Variants in FOXN3 observed in about 807,000 individuals in gnomAD.
FOXN3 encodes the protein forkhead box protein N3.
A neutral mutation model predicts 38.4 loss-of-function variants in FOXN3; 7 were observed. That is an observed-to-expected ratio of 0.18 (90% CI 0.10 to 0.34). FOXN3 has a LOEUF of 0.34. FOXN3 is among the 10% of genes least tolerant of loss of function. FOXN3 has a pLI of 1.00. For missense variants in FOXN3, 456 were observed against 613.4 expected (o/e 0.74, Z 2.71); for synonymous variants, 230 against 242.2 (o/e 0.95, Z 0.47).
intron 3 of FOXN3, among the ~76,000 whole-genome samples, chr14:89,340,619 A>C (rs1888587836): frequency 6.6e-6 from 1 of 152,206 alleles, no homozygotes; most frequent in Non-Finnish European, 1.5e-5. Flanking sequence ...GTGCTTCCAC[A>C]AAACAAGGAC....
At chr14:89,306,663 G>C (rs1020982129) in intron 3 of FOXN3, among the ~76,000 whole-genome samples, 1 of 152,086 alleles carries the variant, frequency 6.6e-6, no homozygotes, top group Non-Finnish European at 1.5e-5. Flanking sequence ...CACCGCGCCC[G>C]GCCCATTTTG....
At chr14:89,262,023 G>A (rs748808482) in intron 4 of FOXN3, among the ~76,000 whole-genome samples, 3 of 152,076 alleles carry the variant, frequency 2.0e-5, no homozygotes, top group Non-Finnish European at 2.9e-5. Flanking sequence ...AGAATTACTC[G>A]AATCCAGGAG....
At chr14:89,476,781 C>G (rs527252901) in intron 1 of FOXN3, among the ~76,000 whole-genome samples, 4 of 152,216 alleles carry the variant, frequency 2.6e-5, no homozygotes, top group Admixed American at 2.0e-4. Flanking sequence ...GCTATCCCCC[C>G]ACTCCTTAAA....
chr14:89,191,948 G>GTATATATATATA lies in FOXN3; in HGVS notation c.746-11154_746-11143dup, dbSNP rs566312671. On this transcript the variant is annotated intron_variant, in intron 4 of 5. Coordinates refer to ENST00000557258, the MANE Select transcript of FOXN3 (RefSeq NM_005197.4). ...CAGTCACCATTTCCCACTGATATTA[G>GTATATATATATA]TATATATATATATACACATATATAT... 2.5e-4 allele frequency among the ~76,000 whole-genome samples: 29 copies of GTATATATATATA among 117,950 alleles called. 1 individual carries two copies. The highest frequency in any genetic ancestry group is 1.3e-3 in the African/African-American group (27 of 21,482). The allele number at this position is 117,950 out of a possible 152,430, so 77.4% of individuals were successfully genotyped here.
chr14:89,461,975 C>T (rs907727398), intron 1 of FOXN3, among the ~76,000 whole-genome samples: 1 of 152,192 alleles, frequency 6.6e-6, no homozygotes, highest in Non-Finnish European at 1.5e-5. Flanking sequence ...TGTGAGCTTC[C>T]ACTCCAGCTA....
rs61390956 is a variant in FOXN3, at chr14:89,161,596, T to TGTGCGC, written c.*817_*818insGCGCAC. On this transcript the variant is annotated 3_prime_UTR_variant, in exon 6 of 6. Transcript: ENST00000557258. The stretch of plus-strand genomic sequence containing the variant: ...GTGTGTGTGTGTGTGTGTGTGTGTG[T>TGTGCGC]GCGTGCGTGCACAGGGCCAATCTTC... 14 of 136,624 alleles carry TGTGCGC rather than the reference T, an allele frequency of 1.0e-4. No homozygotes were observed. Among genetic ancestry groups the TGTGCGC allele is most frequent in the Non-Finnish European group, 1.6e-4 (10 of 62,790 alleles). The allele number at this position is 136,624 out of a possible 1,614,324, so 8.5% of individuals were successfully genotyped here.
At chr14:89,457,180 A>G (rs1892744618) in intron 1 of FOXN3, among the ~76,000 whole-genome samples, 1 of 152,192 alleles carries the variant, frequency 6.6e-6, no homozygotes, top group African/African-American at 2.4e-5. Context: ...CTGTCTCTCC[A>G]TGCAAGCAGC....
intron 4 of FOXN3, among the ~76,000 whole-genome samples, chr14:89,198,852 A>C (rs1888163768): frequency 6.6e-6 from 1 of 152,262 alleles, no homozygotes; most frequent in African/African-American, 2.4e-5. Context: ...TCTTCAAACC[A>C]AACTATCTCC....
At chr14:89,403,790 T>A (rs1891312102) in intron 2 of FOXN3, among the ~76,000 whole-genome samples, 1 of 152,308 alleles carries the variant, frequency 6.6e-6, no homozygotes, top group South Asian at 2.1e-4. Flanking sequence ...CCCAGAAGCT[T>A]TCCCAGCAGC....
At chr14:89,454,160 C>T (rs1292818539) in intron 1 of FOXN3, among the ~76,000 whole-genome samples, 3 of 152,142 alleles carry the variant, frequency 2.0e-5, no homozygotes, top group Non-Finnish European at 2.9e-5. Context: ...AAAAATTAGC[C>T]GGGCATGGTG....
At chr14:89,502,888 G>A (rs1596299687) in intron 1 of FOXN3, among the ~76,000 whole-genome samples, 1 of 152,082 alleles carries the variant, frequency 6.6e-6, no homozygotes, top group East Asian at 1.9e-4. Context: ...CTCTGACAGA[G>A]GTCATGCAAG....
At chr14:89,291,381 C>T in intron 3 of FOXN3, 1 of 596,558 alleles carries the variant, frequency 1.7e-6, no homozygotes, top group East Asian at 4.3e-5. Context: ...GCATAAGTCT[C>T]CATGTCACCA....
chr14:89,168,112 A>T lies in FOXN3; in HGVS notation c.852-5143T>A, dbSNP rs547949641. ...CATAATAAAAAAACAAAAATTAAAA[A>T]CATTAAACACAATGGGAATAAGCCA... On this transcript the variant is annotated intron_variant, in intron 5 of 5. Coordinates refer to ENST00000557258, the MANE Select transcript of FOXN3 (RefSeq NM_005197.4). 9.2e-4 allele frequency among the ~76,000 whole-genome samples: 140 copies of T among 152,354 alleles called. No homozygotes were observed. The Middle Eastern group carries it at 0.01, about 11-fold the overall frequency.
chr14:89,579,145 C>T lies in FOXN3; in HGVS notation c.-15+39883G>A, dbSNP rs376221881. Among the ~76,000 whole-genome samples, 257 of 118,868 alleles carry T rather than the reference C, an allele frequency of 2.2e-3. 2 individuals carry two copies. Among genetic ancestry groups the T allele is most frequent in the Middle Eastern group, 8.0e-3 (2 of 250 alleles). The allele number at this position is 118,868 out of a possible 152,430, so 78.0% of individuals were successfully genotyped here. A position where few individuals can be genotyped will look rare whatever the true frequency, so the allele number is the denominator to read the frequency against. ...GATTACAGGCATGAGCCACCATGCC[C>T]AGCCATTTTTTTTTTTTTTTTTTTA... is the stretch of plus-strand genomic sequence containing the variant. On this transcript the variant is annotated intron_variant, in intron 1 of 6. Transcript: ENST00000345097.
At chr14:89,469,995 T>C (rs1414392361) in intron 1 of FOXN3, among the ~76,000 whole-genome samples, 1 of 152,220 alleles carries the variant, frequency 6.6e-6, no homozygotes, top group Non-Finnish European at 1.5e-5. Flanking sequence ...TTTGAGATAT[T>C]CCTGAAGCTG....
At position 89,491,884 on chromosome 14, in the gene FOXN3, A is replaced by G. The variant is rs546424419; in HGVS notation, c.-14-79394T>C. ...AAGTACTGCCAAGATTTCACATTCC[A>G]ATGACGAGTTCAGCCTAGCGCTTTA... On this transcript the variant is annotated intron_variant, in intron 1 of 6. Coordinates refer to the FOXN3 transcript ENST00000345097. Among the ~76,000 whole-genome samples, 7 of 152,342 alleles carry G rather than the reference A, an allele frequency of 4.6e-5. No individual in the cohort carries two copies. In the South Asian group the frequency reaches 8.3e-4, roughly 18 times the overall value.
intron 1 of FOXN3, among the ~76,000 whole-genome samples, chr14:89,439,029 A>T (rs1177709057): frequency 1.3e-5 from 2 of 152,132 alleles, no homozygotes; most frequent in African/African-American, 4.8e-5. Flanking sequence ...AAGTGCTGGG[A>T]TTACAAGCGT....
chr14:89,380,140 G>T (rs1890600581), intron 2 of FOXN3, among the ~76,000 whole-genome samples: 1 of 152,206 alleles, frequency 6.6e-6, no homozygotes, highest in Non-Finnish European at 1.5e-5. Flanking sequence ...GACCCGGGGG[G>T]AAGTAATTGA....
At chr14:89,505,536 C>G (rs1437718203) in intron 1 of FOXN3, among the ~76,000 whole-genome samples, 3 of 152,186 alleles carry the variant, frequency 2.0e-5, no homozygotes, top group Non-Finnish European at 4.4e-5. Context: ...CTCGGCCTCC[C>G]GAGGTGCCGG....
Sources: allele counts gnomAD v4.1 joint callset (sites outside exome capture counted in the v4.1 genomes callset), GRCh38; gene constraint gnomAD v4.1.1; transcripts MANE v1.5; gene names NCBI Gene and HGNC (gene_info 2026-07-23, HGNC 2026-07-21).